MCF2L: variants seen among roughly 807,000 people sequenced by gnomAD.
MCF2L encodes MCF.2 cell line derived transforming sequence like.
Under a neutral mutation model 153.4 loss-of-function variants are expected in MCF2L, and 97 were observed. The observed-to-expected ratio is 0.63, with a 90% CI of 0.54 to 0.75. MCF2L has a LOEUF of 0.75. Among genes scored for constraint, MCF2L ranks in the 30% least tolerant of loss-of-function variants. The probability of loss-of-function intolerance (pLI) is 0.00; values close to 1 mark genes in which losing one functional copy is unlikely to be tolerated. For missense variants in MCF2L, 1,347 were observed against 1,495.2 expected (o/e 0.90, Z 1.64); for synonymous variants, 659 against 632.2 (o/e 1.04, Z -0.64).
At chr13:112,952,851 G>A (rs2081709857) in intron 2 of MCF2L, among the ~76,000 whole-genome samples, 1 of 152,152 alleles carries the variant, frequency 6.6e-6, no homozygotes, top group South Asian at 2.1e-4. Context: ...GTCCCAGGGT[G>A]TCCATTGTTC....
chr13:113,084,848 G>C (rs1376828183), intron 18 of MCF2L, 44 bp from the exon 19 acceptor site: 2 of 1,460,918 alleles, frequency 1.4e-6, no homozygotes, highest in African/African-American at 2.8e-5. Context: ...GTGATGCGCT[G>C]CCCATCCCTC....
intron 2 of MCF2L, among the ~76,000 whole-genome samples, chr13:112,918,008 A>G (rs1225851019): frequency 1.3e-5 from 2 of 152,178 alleles, no homozygotes; most frequent in Admixed American, 6.5e-5. Flanking sequence ...GGGACTTTGT[A>G]TCTTTCCAGA....
intron 1 of MCF2L, among the ~76,000 whole-genome samples, chr13:112,901,847 C>A (rs2081122406): frequency 6.6e-6 from 1 of 152,208 alleles, no homozygotes; most frequent in Non-Finnish European, 1.5e-5. Flanking sequence ...GATACTGAAA[C>A]CTGGAGAACT....
At chr13:112,895,852 T>G (rs893258880) in intron 1 of MCF2L, among the ~76,000 whole-genome samples, 2 of 151,538 alleles carry the variant, frequency 1.3e-5, no homozygotes, top group African/African-American at 4.9e-5. Flanking sequence ...TTCACCGGGC[T>G]GTGCAGCGGT....
intron 1 of MCF2L, among the ~76,000 whole-genome samples, chr13:112,998,740 G>A (rs375482955): frequency 3.3e-5 from 5 of 152,204 alleles, no homozygotes; most frequent in Admixed American, 2.6e-4. Flanking sequence ...GTGGTTTCAC[G>A]TGCACTGTCT....
At chr13:112,961,836 G>A (rs903374047) in intron 2 of MCF2L, among the ~76,000 whole-genome samples, 3 of 152,206 alleles carry the variant, frequency 2.0e-5, no homozygotes, top group African/African-American at 4.8e-5. Context: ...GCTGGGGTAC[G>A]GAATCAGAGG....
At chr13:113,000,719 C>T (rs1021421558) in intron 1 of MCF2L, among the ~76,000 whole-genome samples, 8 of 152,204 alleles carry the variant, frequency 5.3e-5, no homozygotes, top group Non-Finnish European at 1.0e-4. Flanking sequence ...GTGTTCCCAG[C>T]GGGAGAAGCT....
At chr13:112,961,346 C>T (rs576823638) in intron 2 of MCF2L, among the ~76,000 whole-genome samples, 2 of 152,380 alleles carry the variant, frequency 1.3e-5, no homozygotes, top group East Asian at 3.8e-4. Context: ...TGTACTTGGG[C>T]AAGCATTTGC....
chr13:112,992,263 G>C (rs529725504), intron 1 of MCF2L, among the ~76,000 whole-genome samples: 1 of 152,172 alleles, frequency 6.6e-6, no homozygotes, highest in East Asian at 1.9e-4. Flanking sequence ...TCCAAAATCC[G>C]AAACATTTCT....
chr13:113,022,225 C>T (rs989555179), intron 2 of MCF2L, among the ~76,000 whole-genome samples: 7 of 151,410 alleles, frequency 4.6e-5, no homozygotes, highest in Non-Finnish European at 7.4e-5. Flanking sequence ...CCATCCACTC[C>T]AAGCTCCCAG....
chr13:113,085,216 A>T (rs759650979), intron 20 of MCF2L, 38 bp downstream of exon 20: 2 of 1,590,006 alleles, frequency 1.3e-6, no homozygotes, highest in Non-Finnish European at 1.7e-6. Context: ...CCTCCCCAGC[A>T]CCTGCTGGCC....
chr13:112,907,343 A>G lies in MCF2L; in HGVS notation c.169+4972A>G, dbSNP rs2081182982. 6.6e-6 allele frequency among the ~76,000 whole-genome samples: 1 copy of G among 152,178 alleles called. No individual in the cohort carries two copies. The highest frequency in any genetic ancestry group is 2.4e-5 in the African/African-American group (1 of 41,440). ...ATGACCACAAGAAACAGATACTTGG[A>G]AGGAAATTGGCTTTTTGGCTATCCA... On this transcript the variant is annotated intron_variant, in intron 2 of 29. Transcript: ENST00000375608. This position sits in a 1 kb window ranked among gnomAD's most constrained non-coding sequence, Gnocchi z 5.1.
At position 113,060,619 on chromosome 13, in the gene MCF2L, C is replaced by A. The variant is rs937194841; in HGVS notation, c.396C>A (p.Leu132=). 1 of 1,613,488 alleles carries A rather than the reference C, an allele frequency of 6.2e-7. No homozygotes were observed. Among genetic ancestry groups the A allele is most frequent in the Admixed American group, 1.7e-5 (1 of 60,014 alleles). Residue 132 remains leucine (L), a synonymous_variant, in exon 5 of 30, where the codon CTC becomes CTA. Coordinates refer to ENST00000535094, the MANE Select transcript of MCF2L (RefSeq NM_001112732.3). The part of the protein sequence containing the change: ...IAASFPANLQ[L]VLVLRPTGFF... The stretch of plus-strand genomic sequence containing the variant: ...CATCTTTCCCGGCAAACCTGCAGCT[C>A]GTCCTCGTGCTTCGCCCGACGGGTT...
In MCF2L at chr13:113,064,104, G is replaced by C. The variant is rs1001217249; in HGVS notation, c.490-200G>C. 6.6e-6 allele frequency among the ~76,000 whole-genome samples: 1 copy of C among 152,244 alleles called. No homozygotes were observed. Among genetic ancestry groups the C allele is most frequent in the African/African-American group, 2.4e-5 (1 of 41,468 alleles). ...ATAACACACACACGCCACCACGAGA[G>C]GAGGTGTCGGCGGGGCGCTGAGCTG... On this transcript the variant is annotated intron_variant, in intron 5 of 29. Transcript: ENST00000535094. This position sits in a 1 kb window ranked among gnomAD's most constrained non-coding sequence, Gnocchi z 6.0.
Position 113,042,430 on chromosome 13 carries a change from C to T in MCF2L, c.279-2841C>T, listed in dbSNP as rs564003110. 18 of 152,336 alleles carry T rather than the reference C, an allele frequency of 1.2e-4. No homozygotes were observed. The East Asian group carries it at 3.3e-3, about 28-fold the overall frequency. 9.4% of individuals were successfully genotyped at this position (152,336 alleles called of 1,614,324 possible). ...TTTGACTTCTAAAAAATGTTTTAGT[C>T]GTTGGTAACTGGTTTCTCATTGAAA... On this transcript the variant is annotated intron_variant, in intron 3 of 29. Transcript: ENST00000535094.
At chr13:113,011,851 G>T (rs1347189984) in intron 1 of MCF2L, among the ~76,000 whole-genome samples, 1 of 87,490 alleles carries the variant, frequency 1.1e-5, no homozygotes, top group Non-Finnish European at 2.3e-5. Context: ...GTGGACAGGC[G>T]GTGTGGACGG....
chr13:112,905,879 G>C (rs2081167671), intron 2 of MCF2L, among the ~76,000 whole-genome samples: 1 of 152,182 alleles, frequency 6.6e-6, no homozygotes, highest in African/African-American at 2.4e-5. Context: ...CCTGCTTTCA[G>C]GCCTTGGGGT....
At chr13:112,913,850 T>C (rs2081261404) in intron 2 of MCF2L, among the ~76,000 whole-genome samples, 1 of 152,234 alleles carries the variant, frequency 6.6e-6, no homozygotes, top group Non-Finnish European at 1.5e-5. Context: ...AAAACATTTA[T>C]TTTTAAACAG....
intron 26 of MCF2L, chr13:113,090,486 GT>G (rs2035103382): frequency 1.0e-6 from 1 of 984,524 alleles, no homozygotes; most frequent in African/African-American, 1.8e-5. Flanking sequence ...TCCCTGCAGG[GT>G]GCTGACCTTG....
Sources: allele counts gnomAD v4.1 joint callset (sites outside exome capture counted in the v4.1 genomes callset), GRCh38; gene constraint gnomAD v4.1.1; non-coding constraint Gnocchi (gnomAD v3.1); transcripts MANE v1.5; gene names NCBI Gene and HGNC (gene_info 2026-07-23, HGNC 2026-07-21).